NEK11: variants seen among roughly 807,000 people sequenced by gnomAD.
NEK11 encodes the protein NIMA related kinase 11.
In NEK11, 72 loss-of-function variants were observed where a neutral mutation model predicts 80.7. The observed-to-expected ratio is 0.89, with a 90% confidence interval of 0.74 to 1.08. The LOEUF (loss-of-function observed/expected upper bound fraction) is 1.08. Among genes scored for constraint, NEK11 ranks in the 50% least tolerant of loss-of-function variants. NEK11 has a pLI of 0.00. For synonymous variants in NEK11, 251 were observed against 260.7 expected, an observed-to-expected ratio of 0.96 and a Z score of 0.36; for missense variants, 764 against 763.6, an observed-to-expected ratio of 1.00 and a Z score of -0.01.
chr3:131,196,961 G>A (rs1261073637), intron 14 of NEK11, among the ~76,000 whole-genome samples: 2 of 151,912 alleles, frequency 1.3e-5, no homozygotes, highest in Non-Finnish European at 2.9e-5. Context: ...TCCAATGCCT[G>A]GGTTTATAAC....
intron 16 of NEK11, among the ~76,000 whole-genome samples, chr3:131,262,900 G>A (rs1372000815): frequency 6.6e-6 from 1 of 151,648 alleles, no homozygotes; most frequent in Non-Finnish European, 1.5e-5. Context: ...ACTTATGAGT[G>A]AGAACATGCA....
chr3:131,065,140 A>G (rs1479003104), intron 3 of NEK11, among the ~76,000 whole-genome samples: 2 of 152,234 alleles, frequency 1.3e-5, no homozygotes, highest in Non-Finnish European at 2.9e-5. Flanking sequence ...CAATGAGTAG[A>G]AAGAGCTTTG....
At chr3:131,267,546 G>A (rs2096084284) in intron 16 of NEK11, among the ~76,000 whole-genome samples, 1 of 152,210 alleles carries the variant, frequency 6.6e-6, no homozygotes, top group Non-Finnish European at 1.5e-5. Context: ...TAGGGTTTCT[G>A]CTGAGAGAGC....
intron 3 of NEK11, among the ~76,000 whole-genome samples, chr3:131,038,651 C>A (rs1486928727): frequency 6.6e-6 from 1 of 152,114 alleles, no homozygotes; most frequent in Non-Finnish European, 1.5e-5. Context: ...AAGAAGGCAA[C>A]AATACTCAAA....
chr3:131,315,671 C>T (rs775574589), intron 17 of NEK11, among the ~76,000 whole-genome samples: 1 of 151,920 alleles, frequency 6.6e-6, no homozygotes, highest in Non-Finnish European at 1.5e-5. Context: ...GTATTAAGCC[C>T]AGCATCCATT....
chr3:131,111,463 CT>C (rs2080120668), intron 5 of NEK11, among the ~76,000 whole-genome samples: 1 of 151,968 alleles, frequency 6.6e-6, no homozygotes, highest in Admixed American at 6.6e-5. Context: ...TCATTCATTC[CT>C]TCATTAGATA....
chr3:131,250,243 T>A, intron 16 of NEK11, among the ~76,000 whole-genome samples: 1 of 150,514 alleles, frequency 6.6e-6, no homozygotes, highest in African/African-American at 2.4e-5. Flanking sequence ...AAATAGAAAT[T>A]CCAGGAAAAA....
At chr3:131,041,035 G>A (rs1021770564) in intron 3 of NEK11, among the ~76,000 whole-genome samples, 6 of 152,190 alleles carry the variant, frequency 3.9e-5, no homozygotes, top group Admixed American at 6.5e-5. Context: ...CTTTGCTTAT[G>A]TCTTTCATCT....
chr3:131,263,128 G>C (rs1268700249), intron 16 of NEK11, among the ~76,000 whole-genome samples: 11 of 150,524 alleles, frequency 7.3e-5, no homozygotes, highest in African/African-American at 2.2e-4. Context: ...ATGTTGGTGT[G>C]TGCACCCATT....
intron 17 of NEK11, among the ~76,000 whole-genome samples, chr3:131,349,301 A>C (rs1561674273): frequency 6.6e-6 from 1 of 152,178 alleles, no homozygotes; most frequent in Admixed American, 6.5e-5. Context: ...TACACACACA[A>C]GGGCAGGACT....
chr3:131,103,666 G>A (rs2078730732), intron 4 of NEK11, among the ~76,000 whole-genome samples: 2 of 152,180 alleles, frequency 1.3e-5, no homozygotes, highest in African/African-American at 4.8e-5. Flanking sequence ...TTTGTTAGAT[G>A]TTTGGGCTGC....
chr3:131,070,200 G>A (rs186299359), intron 3 of NEK11, among the ~76,000 whole-genome samples: 17 of 152,286 alleles, frequency 1.1e-4, no homozygotes, highest in Non-Finnish European at 1.8e-4. Context: ...TTCTCAAAGC[G>A]TAATGGAGTG....
intron 17 of NEK11, among the ~76,000 whole-genome samples, chr3:131,278,764 T>C (rs1269620268): frequency 6.6e-6 from 1 of 152,042 alleles, no homozygotes; most frequent in African/African-American, 2.4e-5. Flanking sequence ...TCTATCTAAA[T>C]GAATTATCCT....
intron 17 of NEK11, chr3:131,328,380 G>A (rs996796047): frequency 1.3e-5 from 2 of 152,124 alleles, no homozygotes; most frequent in African/African-American, 4.8e-5. Context: ...AATGACTTAG[G>A]TGCTATTTTG....
At chr3:131,282,110 T>G (rs2096404651) in intron 17 of NEK11, among the ~76,000 whole-genome samples, 1 of 152,136 alleles carries the variant, frequency 6.6e-6, no homozygotes, top group African/African-American at 2.4e-5. Flanking sequence ...CTTTTTTTTC[T>G]CATTTAGCTA....
intron 14 of NEK11, among the ~76,000 whole-genome samples, chr3:131,182,441 C>T (rs2093409265): frequency 6.6e-6 from 1 of 152,204 alleles, no homozygotes. Context: ...ATTTATAACT[C>T]ACCAGGTAGA....
At chr3:131,237,995 C>T (rs890662171) in intron 15 of NEK11, among the ~76,000 whole-genome samples, 1 of 152,144 alleles carries the variant, frequency 6.6e-6, no homozygotes, top group Non-Finnish European at 1.5e-5. Flanking sequence ...TCATCATCAC[C>T]TCACTAAGCC....
intron 16 of NEK11, among the ~76,000 whole-genome samples, chr3:131,250,187 A>G (rs985640103): frequency 1.3e-5 from 2 of 151,998 alleles, no homozygotes; most frequent in Admixed American, 1.3e-4. Context: ...TAATTAATAA[A>G]TGGTAAGAAA....
intron 15 of NEK11, among the ~76,000 whole-genome samples, chr3:131,230,628 A>C (rs1442165704): frequency 6.6e-6 from 1 of 152,122 alleles, no homozygotes; most frequent in Non-Finnish European, 1.5e-5. Flanking sequence ...TAATTTTTTA[A>C]AAATTCCTTC....
Sources: allele counts gnomAD v4.1 joint callset (sites outside exome capture counted in the v4.1 genomes callset), GRCh38; gene constraint gnomAD v4.1.1; transcripts MANE v1.5; gene names NCBI Gene and HGNC (gene_info 2026-07-23, HGNC 2026-07-21).